BBX: variants seen among roughly 807,000 people sequenced by gnomAD.
BBX encodes HMG box transcription factor BBX.
Under a neutral mutation model 100.2 loss-of-function variants are expected in BBX, and 30 were observed. The observed-to-expected ratio is 0.30, with a 90% CI of 0.22 to 0.41. The LOEUF (loss-of-function observed/expected upper bound fraction) is 0.41, where lower values mean the gene tolerates loss of function less well. Ranked by LOEUF, BBX falls within the 10% of genes least tolerant of loss-of-function variation. BBX has a pLI of 1.00. For missense variants in BBX, 1,023 were observed against 1,129.8 expected (o/e 0.91, Z 1.35); for synonymous variants, 376 against 388.1 (o/e 0.97, Z 0.37).
At position 107,801,192 on chromosome 3, in the gene BBX, G is replaced by A. The variant is rs781705722; in HGVS notation, c.2649G>A (p.Thr883=). The A allele has an allele frequency of 4.8e-5, 78 of 1,614,108 alleles. No homozygotes were observed. The highest frequency in any genetic ancestry group is 5.8e-5 in the Non-Finnish European group (69 of 1,180,042). ...CACACAACACCGAGGTCGGGGAGAC[G>A]CGGAGCAGTACTCCAGAAATGCCTG... ...KCSHNTEVGE[T]RSSTPEMPAV... Residue 883 remains threonine (T), a synonymous_variant, in exon 17 of 18, where the codon ACG becomes ACA. Coordinates refer to ENST00000325805, the MANE Select transcript of BBX (RefSeq NM_001142568.3).
chr3:107,633,259 A>G (rs2056656826), intron 2 of BBX, among the ~76,000 whole-genome samples: 1 of 152,118 alleles, frequency 6.6e-6, no homozygotes, highest in African/African-American at 2.4e-5. Flanking sequence ...TAACAGTTTC[A>G]ATTTAGTGCA....
intron 3 of BBX, among the ~76,000 whole-genome samples, chr3:107,699,508 A>G (rs2060894709): frequency 6.6e-6 from 1 of 151,994 alleles, no homozygotes; most frequent in African/African-American, 2.4e-5. Context: ...GGAGAAGGAC[A>G]TGAGCAGATA....
chr3:107,729,593 T>C (rs1047594042), intron 6 of BBX, among the ~76,000 whole-genome samples: 1 of 152,230 alleles, frequency 6.6e-6, no homozygotes, highest in Non-Finnish European at 1.5e-5. Flanking sequence ...AAAGTACTTA[T>C]ATTCACCCTA....
chr3:107,662,825 C>T (rs2058532674), intron 3 of BBX: 1 of 152,116 alleles, frequency 6.6e-6, no homozygotes, highest in African/African-American at 2.4e-5. Context: ...TCAATTTCCA[C>T]ATGTGTAAAC....
chr3:107,586,156 A>G (rs2107574470), intron 2 of BBX, among the ~76,000 whole-genome samples: 1 of 152,332 alleles, frequency 6.6e-6, no homozygotes, highest in South Asian at 2.1e-4. Flanking sequence ...ATTCACCCAC[A>G]TCATTCTCTT....
chr3:107,662,786 T>C (rs965612768), intron 3 of BBX: 1 of 152,072 alleles, frequency 6.6e-6, no homozygotes, highest in African/African-American at 2.4e-5. Context: ...CTTTTAAACG[T>C]TGGGCAATCT....
At chr3:107,774,975 TC>T in intron 12 of BBX, 118 bp downstream of exon 12, 1 of 1,233,880 alleles carries the variant, frequency 8.1e-7, no homozygotes, top group Non-Finnish European at 1.1e-6. Context: ...GCTCAGGACT[TC>T]CTACAATCTT....
intron 3 of BBX, among the ~76,000 whole-genome samples, chr3:107,707,039 G>A (rs2061433238): frequency 6.6e-6 from 1 of 152,158 alleles, no homozygotes; most frequent in African/African-American, 2.4e-5. Flanking sequence ...TTATTAAAGT[G>A]CACAGTTTAT....
intron 2 of BBX, among the ~76,000 whole-genome samples, chr3:107,535,577 C>T (rs56738762): frequency 0.016 from 2,372 of 147,568 alleles, 66 homozygotes; most frequent in African/African-American, 0.057. Flanking sequence ...TATTCTATAT[C>T]GTTTGTGCTC....
At position 107,710,641 on chromosome 3, in the gene BBX, A is replaced by G. The variant is rs759895170; in HGVS notation, c.162+19A>G. 6 of 1,569,604 alleles carry G rather than the reference A, an allele frequency of 3.8e-6. No individual in the cohort carries two copies. Among genetic ancestry groups the G allele is most frequent in the Admixed American group, 1.9e-5 (1 of 53,422 alleles). ...TGATAAGGTAAGTCCTATATTTACC[A>G]TAGAAGTTTCAAGTTTATTAGAGCA... is the stretch of plus-strand genomic sequence containing the variant. On this transcript the variant is annotated intron_variant, in intron 4 of 17. Coordinates refer to ENST00000325805, the MANE Select transcript of BBX (RefSeq NM_001142568.3).
In BBX at chr3:107,755,679, G is replaced by T; in HGVS notation, c.906+1G>T. On this transcript the variant is annotated splice_donor_variant, in intron 10 of 17. Coordinates refer to ENST00000325805, the MANE Select transcript of BBX (RefSeq NM_001142568.3). LOFTEE classifies it high-confidence loss of function. ...GTCTGCACTCTTTCAACTGGCAGAG[G>T]CAAGTTCCTAAGAATATATTGAGAT... 1 of 1,611,702 alleles carries T rather than the reference G, an allele frequency of 6.2e-7. No homozygotes were observed. Among genetic ancestry groups the T allele is most frequent in the Non-Finnish European group, 8.5e-7 (1 of 1,177,890 alleles).
chr3:107,635,303 GT>G (rs1173206043), intron 2 of BBX, among the ~76,000 whole-genome samples: 6 of 152,084 alleles, frequency 3.9e-5, no homozygotes, highest in Admixed American at 6.6e-5. Flanking sequence ...ATGAGTCCAT[GT>G]TTTTATTTTG....
intron 3 of BBX, among the ~76,000 whole-genome samples, chr3:107,660,464 C>A (rs2058385585): frequency 3.9e-5 from 5 of 126,738 alleles, no homozygotes; most frequent in Non-Finnish European, 3.3e-5. Context: ...AAGAAGCCAT[C>A]ATGTAATTTT....
intron 3 of BBX, among the ~76,000 whole-genome samples, chr3:107,698,503 T>G (rs1367227333): frequency 6.6e-6 from 1 of 151,310 alleles, no homozygotes; most frequent in Non-Finnish European, 1.5e-5. Context: ...ATAACAAAAA[T>G]TAGTCAGGTG....
At chr3:107,581,848 G>A (rs2052303635) in intron 2 of BBX, among the ~76,000 whole-genome samples, 1 of 152,072 alleles carries the variant, frequency 6.6e-6, no homozygotes, top group African/African-American at 2.4e-5. Context: ...TTTTAGAAAA[G>A]AATTATGTTA....
intron 13 of BBX, among the ~76,000 whole-genome samples, chr3:107,781,631 A>G (rs1158263977): frequency 6.6e-6 from 1 of 152,112 alleles, no homozygotes; most frequent in Non-Finnish European, 1.5e-5. Context: ...ATTGTTTACG[A>G]AAGTATTAGA....
chr3:107,746,491 T>C (rs527267161), intron 8 of BBX, among the ~76,000 whole-genome samples: 77 of 152,334 alleles, frequency 5.1e-4, no homozygotes, highest in African/African-American at 1.9e-3. Context: ...TTGGATTTGG[T>C]TGATATTTGT....
chr3:107,687,221 C>T (rs772458131), intron 3 of BBX, among the ~76,000 whole-genome samples: 101 of 151,834 alleles, frequency 6.7e-4, no homozygotes, highest in Non-Finnish European at 1.2e-3. Context: ...TAGAATCCAG[C>T]GTTAATTAAT....
chr3:107,691,794 A>C (rs2060185954), intron 3 of BBX, among the ~76,000 whole-genome samples: 1 of 152,210 alleles, frequency 6.6e-6, no homozygotes, highest in East Asian at 1.9e-4. Context: ...GTAATTTGTA[A>C]TTTAGTAAAT....
Sources: allele counts gnomAD v4.1 joint callset (sites outside exome capture counted in the v4.1 genomes callset), GRCh38; gene constraint gnomAD v4.1.1; transcripts MANE v1.5; gene names NCBI Gene and HGNC (gene_info 2026-07-23, HGNC 2026-07-21).